Variants in GON4L observed in about 807,000 individuals in gnomAD.
GON4L encodes gon-4 like.
In GON4L, 87 loss-of-function variants were observed where a neutral mutation model predicts 211.8. The observed-to-expected ratio is 0.41, with a 90% CI of 0.35 to 0.49. GON4L has a LOEUF of 0.49. Among genes scored for constraint, GON4L ranks in the 20% least tolerant of loss-of-function variants. The probability of loss-of-function intolerance (pLI) is 0.15; values close to 1 mark genes in which losing one functional copy is unlikely to be tolerated. For synonymous variants in GON4L, 875 were observed against 962.6 expected (o/e 0.91, Z 1.68); for missense variants, 2,155 against 2,659.5 (o/e 0.81, Z 4.17).
chr1:155,775,673 G>A (rs1320717443), intron 16 of GON4L, among the ~76,000 whole-genome samples: 1 of 152,110 alleles, frequency 6.6e-6, no homozygotes, highest in African/African-American at 2.4e-5. Flanking sequence ...TGGTCAAGCT[G>A]TTCTCGAACT....
chr1:155,797,238 C>A (rs1666154679), intron 11 of GON4L, among the ~76,000 whole-genome samples: 1 of 151,976 alleles, frequency 6.6e-6, no homozygotes, highest in Non-Finnish European at 1.5e-5. Flanking sequence ...CCTCAGCATC[C>A]CGAGTAGCTG....
intron 2 of GON4L, among the ~76,000 whole-genome samples, chr1:155,848,811 A>G (rs945643089): frequency 1.3e-5 from 2 of 152,256 alleles, no homozygotes; most frequent in Non-Finnish European, 2.9e-5. Context: ...AAAGTTAAAC[A>G]TCAAAATGTG....
rs1661280222 is a variant in GON4L at position 155,757,200 on chromosome 1, T to C, written c.5377A>G (p.Thr1793Ala). The change falls in exon 26 of 32, where the codon ACT becomes GCT. Residue 1793 changes from threonine (T) to alanine (A), a missense_variant. Around this residue, in one of 6 missense-constraint regions of GON4L, gnomAD observed 455 missense variants for 504.6 expected, o/e 0.90. Coordinates refer to ENST00000368331, the MANE Select transcript of GON4L (RefSeq NM_001282860.2). ...RMGDFEEINW[T>A]EEKEYEFDGF... is the part of the protein sequence containing the mutation. Reference sequence around the variant, plus strand: ...TATACCTCATACTCCTTTTCCTCAGTCCAATTGATCTCTTCAAAGTCACCC... The same window carrying C: ...TATACCTCATACTCCTTTTCCTCAGCCCAATTGATCTCTTCAAAGTCACCC... 12 of 1,613,734 alleles carry C rather than the reference T, an allele frequency of 7.4e-6. No homozygotes were observed. The highest frequency in any genetic ancestry group is 1.0e-5 in the Non-Finnish European group (12 of 1,179,884).
intron 2 of GON4L, among the ~76,000 whole-genome samples, chr1:155,834,148 C>G (rs1444902337): frequency 1.3e-5 from 2 of 152,082 alleles, no homozygotes; most frequent in Admixed American, 6.6e-5. Context: ...TTAACTGCTT[C>G]ATATAATGTC....
At chr1:155,852,192 TC>T (rs1671860634) in intron 2 of GON4L, among the ~76,000 whole-genome samples, 1 of 146,856 alleles carries the variant, frequency 6.8e-6, no homozygotes, top group Non-Finnish European at 1.5e-5. Flanking sequence ...AAAGAAGTCA[TC>T]TCCCACCACC....
At chr1:155,855,419 C>T (rs1672180503) in intron 1 of GON4L, among the ~76,000 whole-genome samples, 1 of 151,962 alleles carries the variant, frequency 6.6e-6, no homozygotes, top group Non-Finnish European at 1.5e-5. Flanking sequence ...TGCAGTGGCA[C>T]GAACATAGTT....
At chr1:155,825,576 C>A (rs140776447) in intron 3 of GON4L, among the ~76,000 whole-genome samples, 66 of 140,540 alleles carry the variant, frequency 4.7e-4, no homozygotes, top group Non-Finnish European at 4.6e-4. Context: ...TGTCTCAAAA[C>A]AAAAAAAAAA....
chr1:155,779,836 C>T (rs971026303), intron 14 of GON4L, among the ~76,000 whole-genome samples: 11 of 151,236 alleles, frequency 7.3e-5, no homozygotes, highest in Non-Finnish European at 8.8e-5. Context: ...CTTGCTCTGT[C>T]GCCCAGGCTG....
rs1661264425 is a variant in GON4L, at chr1:155,757,060, T to G, written c.5415A>C (p.Glu1805Asp). ...CTTCTTCCACATCAGGCAGGGCCACTTCTTCAAAGCCATCAAACTGAGAAG... is the reference window on the plus strand; with the variant it reads ...CTTCTTCCACATCAGGCAGGGCCACGTCTTCAAAGCCATCAAACTGAGAAG... ...EKEYEFDGFE[E>D]VALPDVEEEE... The change falls in exon 27 of 32, where the codon GAA becomes GAC. Residue 1805 changes from glutamate (E) to aspartate (D), a missense_variant. Glu to Asp is a conservative substitution (Grantham distance 45). Transcript: ENST00000368331. 1 of 1,613,960 alleles carries G rather than the reference T, an allele frequency of 6.2e-7. No individual in the cohort carries two copies. The highest frequency in any genetic ancestry group is 8.5e-7 in the Non-Finnish European group (1 of 1,179,836).
At chr1:155,846,020 A>G in intron 2 of GON4L, 2 of 206,676 alleles carry the variant, frequency 9.7e-6, no homozygotes, top group Non-Finnish European at 2.1e-5. Context: ...TGCCACAGGC[A>G]AACTGTCCAC....
chr1:155,775,036 A>G lies in GON4L; in HGVS notation c.2316T>C (p.Ile772=). Residue 772 remains isoleucine, a synonymous_variant, in exon 17 of 32, where the codon ATT becomes ATC. Coordinates refer to ENST00000368331, the MANE Select transcript of GON4L (RefSeq NM_001282860.2). ...TGACAGTTTTATGAGGGCTGCAGTC[A>G]ATGCTGACATGTGTGCTGAAGTCTT... ...LIEDFSTHVS[I]DCSPHKTVKK... is the part of the protein sequence containing the mutation. 6.2e-7 allele frequency: 1 copy of G among 1,613,292 alleles called. No individual in the cohort carries two copies.
At chr1:155,801,112 C>CAAA (rs367752032) in intron 11 of GON4L, among the ~76,000 whole-genome samples, 126 of 73,534 alleles carry the variant, frequency 1.7e-3, no homozygotes, top group East Asian at 2.6e-3. Context: ...TGCTGCTGCT[C>CAAA]AAAAAAAAAA....
At chr1:155,759,129 T>G (rs560015848) in intron 24 of GON4L, among the ~76,000 whole-genome samples, 1 of 152,204 alleles carries the variant, frequency 6.6e-6, no homozygotes, top group East Asian at 1.9e-4. Context: ...CCCAAATAGC[T>G]GGGACCAAAG....
chr1:155,853,888 G>A, intron 1 of GON4L, 82 bp from the exon 2 acceptor site: 1 of 908,846 alleles, frequency 1.1e-6, no homozygotes, highest in South Asian at 1.5e-5. Context: ...ATTTATTCAT[G>A]TTCGATCATG....
At chr1:155,847,183 T>C (rs1473007809) in intron 2 of GON4L, among the ~76,000 whole-genome samples, 1 of 152,226 alleles carries the variant, frequency 6.6e-6, no homozygotes. Flanking sequence ...CCACAAGTTT[T>C]GGACCCATAG....
At position 155,814,367 on chromosome 1, in the gene GON4L, A is replaced by G; in HGVS notation, c.1244T>C (p.Met415Thr). The stretch of plus-strand genomic sequence containing the variant: ...GCCACTCTCCTCATCTGTTTCAGTC[A>G]TCTCAGAAGACTGCCTCAATCTGGA... ...KKSRLRQSSE[M>T]TETDEESGIL... The change falls in exon 9 of 32, where the codon ATG becomes ACG. Residue 415 changes from methionine (M) to threonine (T), a missense_variant. Around this residue, in one of 6 missense-constraint regions of GON4L, gnomAD observed 551 missense variants for 854.0 expected, o/e 0.65. Transcript: ENST00000368331. The G allele has an allele frequency of 6.2e-7, 1 of 1,612,476 alleles. No individual in the cohort carries two copies. Among genetic ancestry groups the G allele is most frequent in the Non-Finnish European group, 8.5e-7 (1 of 1,178,482 alleles).
intron 6 of GON4L, among the ~76,000 whole-genome samples, chr1:155,819,910 T>C (rs1668586723): frequency 6.6e-6 from 1 of 152,054 alleles, no homozygotes; most frequent in African/African-American, 2.4e-5. Context: ...AGTATGGAGA[T>C]TTTTTTGTTT....
chr1:155,781,684 A>G (rs1330359887), intron 14 of GON4L, among the ~76,000 whole-genome samples: 1 of 151,606 alleles, frequency 6.6e-6, no homozygotes, highest in Non-Finnish European at 1.5e-5. Context: ...GCTGGTCTCA[A>G]ACTCCTGACC....
intron 3 of GON4L, among the ~76,000 whole-genome samples, chr1:155,822,842 C>G (rs1222340152): frequency 6.6e-6 from 1 of 152,200 alleles, no homozygotes; most frequent in East Asian, 1.9e-4. Context: ...GTTGCCCAGG[C>G]TGGAGTGCAA....
Sources: allele counts gnomAD v4.1 joint callset (sites outside exome capture counted in the v4.1 genomes callset), GRCh38; gene constraint gnomAD v4.1.1; regional missense constraint gnomAD v4.1.1; transcripts MANE v1.5; gene names NCBI Gene and HGNC (gene_info 2026-07-23, HGNC 2026-07-21).